Variants in CARMIL1 observed in about 807,000 individuals in gnomAD.
The protein encoded by CARMIL1 is capping protein regulator and myosin 1 linker 1, also known as F-actin-uncapping protein LRRC16A.
CARMIL1 carries 90 observed loss-of-function variants against 177.1 expected under a neutral mutation model. That is an observed-to-expected ratio of 0.51 (90% CI 0.43 to 0.61). The LOEUF is 0.61. CARMIL1 is among the 20% of genes least tolerant of loss of function. CARMIL1 has a pLI of 0.00. For missense variants in CARMIL1, 1,380 were observed against 1,667.0 expected, an observed-to-expected ratio of 0.83 and a Z score of 3.00; for synonymous variants, 577 against 606.2, an observed-to-expected ratio of 0.95 and a Z score of 0.71.
chr6:25,409,328 G>A (rs533533013), intron 2 of CARMIL1, among the ~76,000 whole-genome samples: 1 of 152,276 alleles, frequency 6.6e-6, no homozygotes, highest in South Asian at 2.1e-4. Context: ...CATTTTCAGA[G>A]CTATATTCTA....
intron 2 of CARMIL1, among the ~76,000 whole-genome samples, chr6:25,394,603 G>A: frequency 6.6e-6 from 1 of 152,208 alleles, no homozygotes. Context: ...CCAAGTGTTG[G>A]GTTTGTGCAA....
At chr6:25,382,708 G>A (rs1322585864) in intron 2 of CARMIL1, among the ~76,000 whole-genome samples, 1 of 151,924 alleles carries the variant, frequency 6.6e-6, no homozygotes, top group Non-Finnish European at 1.5e-5. Flanking sequence ...CAAGACACAG[G>A]GCGCTCATTG....
chr6:25,540,423 A>AACT (rs1444090641), intron 26 of CARMIL1, among the ~76,000 whole-genome samples: 1 of 152,206 alleles, frequency 6.6e-6, no homozygotes, highest in East Asian at 1.9e-4. Context: ...AAATGATAGT[A>AACT]ACTACATTTA....
chr6:25,519,561 C>T (rs1348898382), intron 22 of CARMIL1, among the ~76,000 whole-genome samples: 1 of 152,210 alleles, frequency 6.6e-6, no homozygotes, highest in Non-Finnish European at 1.5e-5. Flanking sequence ...ATACAGCAAT[C>T]AACAGTTGCT....
chr6:25,307,504 T>C (rs1783371660), intron 2 of CARMIL1, among the ~76,000 whole-genome samples: 1 of 152,244 alleles, frequency 6.6e-6, no homozygotes, highest in African/African-American at 2.4e-5. Context: ...TAAAGTATTA[T>C]TTTTAAAAAA....
chr6:25,429,334 G>A (rs878924980), intron 4 of CARMIL1, among the ~76,000 whole-genome samples: 1 of 152,186 alleles, frequency 6.6e-6, no homozygotes, highest in Admixed American at 6.5e-5. Context: ...CTATCCAAAT[G>A]TGGTACACAT....
chr6:25,499,115 A>G (rs1220525189), intron 16 of CARMIL1, among the ~76,000 whole-genome samples: 1 of 152,150 alleles, frequency 6.6e-6, no homozygotes, highest in African/African-American at 2.4e-5. Flanking sequence ...ACTAGAAAAG[A>G]AAGTCTCAGA....
chr6:25,357,935 A>C (rs186732142), intron 2 of CARMIL1, among the ~76,000 whole-genome samples: 45 of 152,292 alleles, frequency 3.0e-4, no homozygotes, highest in Admixed American at 2.8e-3. Context: ...TTATGATTTT[A>C]TGTTAGTGCA....
rs141200852 is a variant in CARMIL1, at chr6:25,503,457, C to A, written c.1395+3222C>A. ...CTTCTCTTCATAATATAATAAATCT[C>A]CCCCCAAAAGTGTTTGGATTTCCAA... On this transcript the variant is annotated intron_variant, in intron 17 of 36. Transcript: ENST00000329474. 4.2e-3 allele frequency among the ~76,000 whole-genome samples: 637 copies of A among 152,234 alleles called. 2 individuals carry two copies. Among genetic ancestry groups the A allele is most frequent in the African/African-American group, 0.014 (589 of 41,524 alleles).
chr6:25,381,333 GT>G (rs1159552243), intron 2 of CARMIL1, among the ~76,000 whole-genome samples: 2 of 152,106 alleles, frequency 1.3e-5, no homozygotes, highest in Non-Finnish European at 2.9e-5. Context: ...TCTGTGATCT[GT>G]TTCTACTCAC....
At chr6:25,592,062 GT>G (rs1814367624) in intron 31 of CARMIL1, among the ~76,000 whole-genome samples, 1 of 151,528 alleles carries the variant, frequency 6.6e-6, no homozygotes, top group African/African-American at 2.4e-5. Context: ...TTGTTTGTTT[GT>G]TTCAAAATGA....
At position 25,411,065 on chromosome 6, in the gene CARMIL1, A is replaced by G. The variant is rs577427757; in HGVS notation, c.139-9049A>G. On this transcript the variant is annotated intron_variant, in intron 2 of 36. Transcript: ENST00000329474. Reference sequence around the variant, plus strand: ...GAAGTTTTAGTAATTAATTAGGTTAATATGAACTTTATAGTTATATTTTTT... The same window carrying G: ...GAAGTTTTAGTAATTAATTAGGTTAGTATGAACTTTATAGTTATATTTTTT... Among the ~76,000 whole-genome samples the G allele has an allele frequency of 1.8e-4, 27 of 152,326 alleles. No individual in the cohort carries two copies. In the South Asian group the frequency reaches 5.4e-3, roughly 30 times the overall value.
Position 25,383,393 on chromosome 6 carries a change from CAT to C in CARMIL1, c.139-36717_139-36716del, listed in dbSNP as rs755922978. On this transcript the variant is annotated intron_variant, in intron 2 of 36. Transcript: ENST00000329474. ...TAAAGATACAAATAATTTCCATAAA[CAT>C]ATAACAATCCATAGAGAAGAGGGTA... 4.6e-5 allele frequency among the ~76,000 whole-genome samples: 7 copies of C among 152,222 alleles called. No homozygotes were observed. The East Asian group carries it at 7.7e-4, about 17-fold the overall frequency.
chr6:25,596,483 G>C (rs1297675846), intron 32 of CARMIL1, among the ~76,000 whole-genome samples: 1 of 152,126 alleles, frequency 6.6e-6, no homozygotes. Flanking sequence ...CTATTCCCCA[G>C]AGGCAACTAA....
chr6:25,613,629 A>T (rs1304053710), intron 36 of CARMIL1, among the ~76,000 whole-genome samples: 3 of 152,222 alleles, frequency 2.0e-5, no homozygotes, highest in Non-Finnish European at 4.4e-5. Flanking sequence ...TCAGAGAAAA[A>T]AATGTCTTTT....
rs1798697120 is a variant in CARMIL1, at chr6:25,450,695, A to G, written c.598A>G (p.Ser200Gly). 1 of 1,604,686 alleles carries G rather than the reference A, an allele frequency of 6.2e-7. No individual in the cohort carries two copies. The highest frequency in any genetic ancestry group is 8.5e-7 in the Non-Finnish European group (1 of 1,174,654). ...DTRELNLQDF[S>G]HLDHRDLIPI... is the part of the protein sequence containing the mutation. ...CAGGGAATTGAATTTACAAGATTTT[A>G]GTCATCTTGACCACAGGTAAGCTGC... The change falls in exon 8 of 37, where the codon AGT becomes GGT. Residue 200 changes from serine to glycine, a missense_variant. Coordinates refer to ENST00000329474, the MANE Select transcript of CARMIL1 (RefSeq NM_017640.6).
chr6:25,423,095 TAAAG>T (rs1795990907), intron 3 of CARMIL1, among the ~76,000 whole-genome samples: 1 of 152,334 alleles, frequency 6.6e-6, no homozygotes, highest in African/African-American at 2.4e-5. Context: ...GACTGAGAAG[TAAAG>T]CCAGTGTGAA....
At position 25,287,227 on chromosome 6, in the gene CARMIL1, C is replaced by T. The variant is rs186410251; in HGVS notation, c.138+2318C>T. ...ATGAGTTGGCTGAATATCTACAGTA[C>T]GCTTTTTGAGTTGTGCTTTTGTTAC... On this transcript the variant is annotated intron_variant, in intron 2 of 36. Transcript: ENST00000329474. 2.9e-4 allele frequency among the ~76,000 whole-genome samples: 44 copies of T among 152,238 alleles called. No individual in the cohort carries two copies. The East Asian group carries it at 4.6e-3, about 16-fold the overall frequency.
At chr6:25,471,086 A>G in intron 9 of CARMIL1, 83 bp from the exon 10 acceptor site, 1 of 830,390 alleles carries the variant, frequency 1.2e-6, no homozygotes, top group Non-Finnish European at 1.9e-6. Context: ...ACTTAATTAA[A>G]ACTTTGCATT....
Sources: gnomAD v4.1 joint callset for allele counts (sites outside exome capture counted in the v4.1 genomes callset) on GRCh38, gnomAD v4.1.1 for gene constraint, MANE v1.5 for transcripts, NCBI Gene and HGNC (gene_info 2026-07-23, HGNC 2026-07-21) for gene names.